FIBCD1: variants seen among roughly 807,000 people sequenced by gnomAD.
FIBCD1 encodes the protein fibrinogen C domain-containing protein 1.
A neutral mutation model predicts 45.1 loss-of-function variants in FIBCD1; 47 were observed. The ratio of observed to expected loss-of-function variants is 1.04; its 90% CI spans 0.82 to 1.33. FIBCD1 has a LOEUF of 1.33. FIBCD1 is among the 40% of genes most tolerant of loss of function. FIBCD1 has a pLI of 0.00. For missense variants in FIBCD1, 653 were observed against 682.2 expected, an observed-to-expected ratio of 0.96 and a Z score of 0.48; for synonymous variants, 313 against 308.1, an observed-to-expected ratio of 1.02 and a Z score of -0.17.
chr9:130,935,408 C>A (rs1200646657), intron 1 of FIBCD1, among the ~76,000 whole-genome samples: 1 of 152,218 alleles, frequency 6.6e-6, no homozygotes, highest in Non-Finnish European at 1.5e-5. Context: ...TACCGTTTCA[C>A]CCTGCCCCAA....
intron 5 of FIBCD1, among the ~76,000 whole-genome samples, chr9:130,910,235 G>A (rs2141271): frequency 8.0e-6 from 1 of 124,684 alleles, no homozygotes. Context: ...AGCCCCGCTG[G>A]CCCCGGGGCA....
At chr9:130,913,601 T>G (rs1173521836) in intron 4 of FIBCD1, among the ~76,000 whole-genome samples, 5 of 152,204 alleles carry the variant, frequency 3.3e-5, no homozygotes, top group Non-Finnish European at 7.3e-5. Context: ...CTCTGAAATC[T>G]GAAAGTCCTC....
intron 4 of FIBCD1, among the ~76,000 whole-genome samples, chr9:130,918,601 G>T (rs1407144591): frequency 2.6e-5 from 4 of 152,232 alleles, no homozygotes; most frequent in African/African-American, 9.6e-5. Context: ...GGCAGAGGAG[G>T]ATGCATGTTT....
chr9:130,904,155 G>A lies in FIBCD1; in HGVS notation c.1295C>T (p.Ala432Val), dbSNP rs1831884465. ...QYLRGAHASY[A>V]DGVEWSSWTG... is the part of the protein sequence containing the mutation. ...CCAGGAGGACCACTCCACGCCGTCGGCATAGGAGGCGTGCGCACCGCGCAG... is the reference window on the plus strand; with the variant it reads ...CCAGGAGGACCACTCCACGCCGTCGACATAGGAGGCGTGCGCACCGCGCAG... The change falls in exon 7 of 7, where the codon GCC (alanine) becomes GTC (valine). Residue 432 changes from alanine to valine, a missense_variant. Transcript: ENST00000372338. 6.2e-7 allele frequency: 1 copy of A among 1,613,588 alleles called. No individual in the cohort carries two copies. The highest frequency in any genetic ancestry group is 8.5e-7 in the Non-Finnish European group (1 of 1,179,966).
chr9:130,924,135 G>T, intron 3 of FIBCD1, 102 bp downstream of exon 3: 1 of 1,407,366 alleles, frequency 7.1e-7, no homozygotes, highest in East Asian at 2.5e-5. Flanking sequence ...AAGTAGGGTC[G>T]GGCCCTGGAG....
At chr9:130,911,969 G>T in intron 4 of FIBCD1, 81 bp from the exon 5 acceptor site, 1 of 1,306,360 alleles carries the variant, frequency 7.7e-7, no homozygotes, top group Non-Finnish European at 1.1e-6. Context: ...CCCGCCCAGA[G>T]ACTCCCCTCA....
At position 130,923,752 on chromosome 9, in the gene FIBCD1, C is replaced by T. The variant is rs752364251; in HGVS notation, c.841G>A (p.Gly281Ser). 5 of 1,612,044 alleles carry T rather than the reference C, an allele frequency of 3.1e-6. No homozygotes were observed. The highest frequency in any genetic ancestry group is 2.2e-5 in the East Asian group (1 of 44,870). Residue 281 changes from glycine to serine, a missense_variant, in exon 4 of 7, where the codon GGC (glycine) becomes AGC (serine). Gly to Ser is a moderately conservative substitution (Grantham distance 56). Transcript: ENST00000372338. ...CAGCCTGGGACACTCACCGTCCAGC[C>T]GCCGCCGTCCGTGCGCATGTCACAG... ...VYCDMRTDGG[G>S]WTVFQRREDG...
At chr9:130,938,342 C>T in intron 1 of FIBCD1, 194 bp downstream of exon 1, 3 of 463,064 alleles carry the variant, frequency 6.5e-6, no homozygotes, top group Non-Finnish European at 1.1e-5. Context: ...AGGGGTGCCG[C>T]CCCCACCGAA....
At chr9:130,935,450 A>G (rs944393789) in intron 1 of FIBCD1, among the ~76,000 whole-genome samples, 7 of 152,198 alleles carry the variant, frequency 4.6e-5, no homozygotes, top group Admixed American at 6.5e-5. Context: ...CTGTAGGGAG[A>G]GGGAGGACGC....
intron 5 of FIBCD1, among the ~76,000 whole-genome samples, chr9:130,908,653 C>T (rs919645119): frequency 1.3e-5 from 2 of 152,190 alleles, no homozygotes; most frequent in African/African-American, 2.4e-5. Context: ...AAGGAGGGGA[C>T]GACAGCAGGG....
At chr9:130,913,272 C>T (rs1038221516) in intron 4 of FIBCD1, among the ~76,000 whole-genome samples, 2 of 109,804 alleles carry the variant, frequency 1.8e-5, no homozygotes, top group Non-Finnish European at 3.4e-5. Flanking sequence ...CTTTATTCTC[C>T]CTGCTTTATT....
chr9:130,936,896 T>G (rs1339836438), intron 1 of FIBCD1, among the ~76,000 whole-genome samples: 1 of 151,722 alleles, frequency 6.6e-6, no homozygotes, highest in Non-Finnish European at 1.5e-5. Flanking sequence ...CCACAGGGCA[T>G]CAGGAAGTCT....
chr9:130,938,481 A>G, intron 1 of FIBCD1, 55 bp downstream of exon 1: 1 of 1,398,220 alleles, frequency 7.2e-7, no homozygotes, highest in Non-Finnish European at 9.3e-7. Flanking sequence ...CGCCGGCCCG[A>G]GCGGCCACCG....
At chr9:130,904,451 T>A in intron 6 of FIBCD1, 128 bp from the exon 7 acceptor site, 2 of 1,346,350 alleles carry the variant, frequency 1.5e-6, no homozygotes, top group Non-Finnish European at 2.0e-6. Context: ...ACGCACGTGC[T>A]CTCACACATA....
intron 5 of FIBCD1, 38 bp from the exon 6 acceptor site, chr9:130,905,451 G>A: frequency 2.5e-6 from 4 of 1,577,470 alleles, no homozygotes; most frequent in Non-Finnish European, 3.5e-6. Context: ...AAGCTGAGGG[G>A]CGTAGGAAGC....
intron 5 of FIBCD1, among the ~76,000 whole-genome samples, chr9:130,911,496 A>C (rs1205176139): frequency 6.6e-6 from 1 of 152,204 alleles, no homozygotes; most frequent in East Asian, 1.9e-4. Flanking sequence ...TTGATTCAGG[A>C]CAGCCAGCAG....
At chr9:130,937,182 A>G (rs1832531311) in intron 1 of FIBCD1, among the ~76,000 whole-genome samples, 1 of 152,194 alleles carries the variant, frequency 6.6e-6, no homozygotes, top group Admixed American at 6.5e-5. Context: ...AGTTCTTGCT[A>G]AGGGGGAGAA....
chr9:130,904,010 G>A lies in FIBCD1; in HGVS notation c.*54C>T. ...AGAACATTCACGAAAGAGTGAGGTG[G>A]GGTCGGGGATGGGGCGACAGGGACC... On this transcript the variant is annotated 3_prime_UTR_variant, in exon 7 of 7. Transcript: ENST00000372338. The A allele has an allele frequency of 6.3e-7, 1 of 1,588,168 alleles. No individual in the cohort carries two copies. The highest frequency in any genetic ancestry group is 2.3e-5 in the East Asian group (1 of 43,604).
At chr9:130,934,449 A>G (rs567126572) in intron 1 of FIBCD1, among the ~76,000 whole-genome samples, 5 of 152,252 alleles carry the variant, frequency 3.3e-5, no homozygotes, top group African/African-American at 9.6e-5. Flanking sequence ...GGCCACAGGG[A>G]GGGGCGCAGG....
Sources: allele counts gnomAD v4.1 joint callset (sites outside exome capture counted in the v4.1 genomes callset), GRCh38; gene constraint gnomAD v4.1.1; transcripts MANE v1.5; gene names NCBI Gene and HGNC (gene_info 2026-07-23, HGNC 2026-07-21).